The following SNX25 variants were observed in gnomAD, a reference collection of about 807,000 sequenced individuals.
SNX25 encodes sorting nexin 25, also known as sorting nexin-25.
In SNX25, 62 loss-of-function variants were observed where a neutral mutation model predicts 113.7. The observed-to-expected ratio is 0.55, with a 90% confidence interval of 0.44 to 0.67. The LOEUF (loss-of-function observed/expected upper bound fraction) is 0.67. SNX25 is among the 30% of genes least tolerant of loss of function. The pLI is 0.00. For synonymous variants in SNX25, 421 were observed against 436.2 expected, an observed-to-expected ratio of 0.97 and a Z score of 0.43; for missense variants, 1,014 against 1,161.0, an observed-to-expected ratio of 0.87 and a Z score of 1.84.
chr4:185,230,050 T>C (rs1186603166), intron 1 of SNX25, among the ~76,000 whole-genome samples: 2 of 151,910 alleles, frequency 1.3e-5, no homozygotes, highest in Non-Finnish European at 2.9e-5. Context: ...GGCTGGGCTT[T>C]GAATTCCTGG....
intron 2 of SNX25, among the ~76,000 whole-genome samples, chr4:185,255,534 A>T (rs944239350): frequency 6.6e-6 from 1 of 151,964 alleles, no homozygotes; most frequent in Admixed American, 6.6e-5. Context: ...ACCTGGCCTC[A>T]CTCGTTGGTT....
chr4:185,275,803 A>G (rs1485205428), intron 5 of SNX25, among the ~76,000 whole-genome samples: 2 of 152,230 alleles, frequency 1.3e-5, no homozygotes, highest in Non-Finnish European at 2.9e-5. Context: ...TGCCAAGGAA[A>G]AGGTTAGTTG....
chr4:185,298,141 T>G (rs1305195390), intron 6 of SNX25, among the ~76,000 whole-genome samples: 2 of 145,274 alleles, frequency 1.4e-5, no homozygotes, highest in East Asian at 4.2e-4. Flanking sequence ...CAGACTGCAG[T>G]GCAATGGCAC....
intron 9 of SNX25, among the ~76,000 whole-genome samples, chr4:185,324,080 G>A (rs2095139137): frequency 6.6e-6 from 1 of 152,110 alleles, no homozygotes; most frequent in African/African-American, 2.4e-5. Flanking sequence ...GAGACCTCCT[G>A]CCCTCTGTCT....
chr4:185,367,366 A>T (rs1440510572), downstream of SNX25: 1 of 828,340 alleles, frequency 1.2e-6, no homozygotes, highest in Admixed American at 2.8e-5. Flanking sequence ...ATTTCAAGAA[A>T]ATTTGTTAAG....
rs72709982 is a variant in SNX25 at position 185,288,798 on chromosome 4, G to A, written c.1162+716G>A. Among the ~76,000 whole-genome samples the A allele has an allele frequency of 2.4e-3, 370 of 152,284 alleles. 2 individuals carry two copies. The highest frequency in any genetic ancestry group is 3.4e-3 in the Middle Eastern group (1 of 294). ...CTTTGCATGTACAAAGGTAGAGAAC[G>A]TGTTAAAATCTAGAGTGCAGAGCAG... On this transcript the variant is annotated intron_variant, in intron 6 of 18. Coordinates refer to ENST00000652585, the MANE Select transcript of SNX25 (RefSeq NM_001378034.2).
chr4:185,287,415 C>T (rs1289263471), intron 5 of SNX25, among the ~76,000 whole-genome samples: 1 of 152,120 alleles, frequency 6.6e-6, no homozygotes, highest in Non-Finnish European at 1.5e-5. Context: ...AGCAATGAGG[C>T]GCTGCACTCA....
intron 1 of SNX25, among the ~76,000 whole-genome samples, chr4:185,211,485 G>A (rs1737790769): frequency 6.6e-6 from 1 of 152,084 alleles, no homozygotes; most frequent in Non-Finnish European, 1.5e-5. Context: ...TTCTACCATG[G>A]CAAGTAAGGA....
In SNX25 at chr4:185,321,604, T is replaced by C. The variant is rs147881111; in HGVS notation, c.1476+740T>C. Among the ~76,000 whole-genome samples, 3 of 152,286 alleles carry C rather than the reference T, an allele frequency of 2.0e-5. No homozygotes were observed. In the East Asian group the frequency reaches 5.8e-4, roughly 29 times the overall value. On this transcript the variant is annotated intron_variant, in intron 8 of 18. Coordinates refer to ENST00000652585, the MANE Select transcript of SNX25 (RefSeq NM_001378034.2). The stretch of plus-strand genomic sequence containing the variant: ...TATGAATAAAGGAAAATAAAATTAT[T>C]TTGGGGTACACATACATCTTACAGT...
intron 6 of SNX25, among the ~76,000 whole-genome samples, chr4:185,305,626 A>C (rs1754356408): frequency 6.6e-6 from 1 of 152,216 alleles, no homozygotes; most frequent in Non-Finnish European, 1.5e-5. Context: ...ATTTATAGCG[A>C]AAAGCATTTC....
Position 185,334,734 on chromosome 4 carries a change from T to C in SNX25, c.1914+1975T>C, listed in dbSNP as rs997031681. The stretch of plus-strand genomic sequence containing the variant: ...TTATTCAGCCTTTCTTAAAATAACT[T>C]CTGATAACCATGGAATAAACATTCT... On this transcript the variant is annotated intron_variant, in intron 10 of 18. Transcript: ENST00000652585. This position sits in a 1 kb window ranked among gnomAD's most constrained non-coding sequence, Gnocchi z 4.2. 6.6e-6 allele frequency among the ~76,000 whole-genome samples: 1 copy of C among 152,256 alleles called. No homozygotes were observed. The highest frequency in any genetic ancestry group is 1.5e-5 in the Non-Finnish European group (1 of 68,040).
At chr4:185,231,726 A>G (rs1741907029) in intron 1 of SNX25, among the ~76,000 whole-genome samples, 1 of 147,444 alleles carries the variant, frequency 6.8e-6, no homozygotes, top group Non-Finnish European at 1.5e-5. Flanking sequence ...AAAAAAAAAA[A>G]GCAGGATTTA....
chr4:185,342,495 A>C (rs1053372929), intron 12 of SNX25, among the ~76,000 whole-genome samples: 1 of 152,182 alleles, frequency 6.6e-6, no homozygotes, highest in Non-Finnish European at 1.5e-5. Flanking sequence ...GGGAGGCAGT[A>C]AGGTGCGGTG....
chr4:185,341,535 C>T (rs2095259849), intron 11 of SNX25, among the ~76,000 whole-genome samples: 1 of 152,206 alleles, frequency 6.6e-6, no homozygotes, highest in Non-Finnish European at 1.5e-5. Flanking sequence ...GATGCATTGG[C>T]TCCCTGCTGA....
intron 12 of SNX25, among the ~76,000 whole-genome samples, chr4:185,345,209 C>T (rs761896316): frequency 9.9e-5 from 15 of 152,138 alleles, no homozygotes; most frequent in Non-Finnish European, 1.9e-4. Context: ...TATTCTCTTA[C>T]CCCTGCCCTT....
chr4:185,260,755 C>T (rs142745194), intron 3 of SNX25, among the ~76,000 whole-genome samples: 9 of 152,236 alleles, frequency 5.9e-5, no homozygotes, highest in African/African-American at 2.2e-4. Flanking sequence ...TCCCAGATGC[C>T]CTACAAGGAT....
intron 4 of SNX25, among the ~76,000 whole-genome samples, chr4:185,266,239 T>C (rs1482544522): frequency 6.6e-6 from 1 of 152,206 alleles, no homozygotes; most frequent in African/African-American, 2.4e-5. Flanking sequence ...CTGAGGTCTG[T>C]TTTAACCAGT....
intron 1 of SNX25, among the ~76,000 whole-genome samples, chr4:185,239,774 C>CTTTTTTT (rs564649102): frequency 2.2e-4 from 24 of 110,712 alleles, no homozygotes; most frequent in African/African-American, 3.3e-4. Context: ...TTTTTTTTTT[C>CTTTTTTT]TTTTTTTTTT....
chr4:185,207,065 G>A (rs1737218253), upstream of SNX25, among the ~76,000 whole-genome samples: 1 of 152,104 alleles, frequency 6.6e-6, no homozygotes, highest in African/African-American at 2.4e-5. Flanking sequence ...TGATTGGACG[G>A]TTGCCCACAT....
Sources: gnomAD v4.1 joint callset for allele counts (sites outside exome capture counted in the v4.1 genomes callset) on GRCh38, gnomAD v4.1.1 for gene constraint, Gnocchi (gnomAD v3.1) non-coding constraint, MANE v1.5 for transcripts, NCBI Gene and HGNC (gene_info 2026-07-23, HGNC 2026-07-21) for gene names.